Variants in COL6A3 observed in about 807,000 individuals in gnomAD.
COL6A3 encodes collagen type VI alpha 3 chain, also known as collagen alpha-3(VI) chain.
In COL6A3, 137 loss-of-function variants were observed where a neutral mutation model predicts 274.1. The observed-to-expected ratio is 0.50, with a 90% CI of 0.44 to 0.58. The LOEUF (loss-of-function observed/expected upper bound fraction) is 0.58. Among genes scored for constraint, COL6A3 ranks in the 20% least tolerant of loss-of-function variants. COL6A3 has a pLI of 0.00. For synonymous variants in COL6A3, 1,650 were observed against 1,650.6 expected (o/e 1.00, Z 0.01); for missense variants, 3,950 against 4,124.9 (o/e 0.96, Z 1.16).
intron 1 of COL6A3, among the ~76,000 whole-genome samples, chr2:237,398,917 CT>C (rs2078519723): frequency 6.6e-6 from 1 of 152,196 alleles, no homozygotes; most frequent in Admixed American, 6.5e-5. Context: ...TATTCAGCAT[CT>C]ACTATGTGAT....
At chr2:237,370,995 T>C (rs2077672796) in intron 9 of COL6A3, among the ~76,000 whole-genome samples, 1 of 152,222 alleles carries the variant, frequency 6.6e-6, no homozygotes, top group Admixed American at 6.5e-5. Context: ...TCCTGGTTAA[T>C]AAGAGTGACT....
chr2:237,349,657 G>C (rs183501454), intron 28 of COL6A3, among the ~76,000 whole-genome samples: 2 of 152,318 alleles, frequency 1.3e-5, no homozygotes, highest in African/African-American at 2.4e-5. Flanking sequence ...TTGTTGGTGA[G>C]TTTTTGGGGC....
In COL6A3 at chr2:237,350,171, C is replaced by G. The variant is rs3790993; in HGVS notation, c.6855G>C (p.Gly2285=). The G allele has an allele frequency of 0.54, 868,461 of 1,613,458 alleles. 235,064 individuals carry two copies. The highest frequency in any genetic ancestry group is 0.67 in the East Asian group (30,103 of 44,838). Reference sequence around the variant, plus strand: ...CCGTCTCCCCACGAGGGCCCCGGTTCCCGATTCCTCCTTTTGGTCCTGGCT... The same window carrying G: ...CCGTCTCCCCACGAGGGCCCCGGTTGCCGATTCCTCCTTTTGGTCCTGGCT... The part of the protein sequence containing the change: ...PGEPGPKGGI[G]NRGPRGETGD... The change falls in exon 28 of 44, where the codon GGG becomes GGC. Residue 2285 remains glycine (G), a synonymous_variant. Transcript: ENST00000295550.
rs1186288111 is a variant in COL6A3, at chr2:237,350,178, C to A, written c.6848G>T (p.Gly2283Val). 6.2e-7 allele frequency: 1 copy of A among 1,614,176 alleles called. No individual in the cohort carries two copies. The highest frequency in any genetic ancestry group is 8.5e-7 in the Non-Finnish European group (1 of 1,180,018). ...CCCACGAGGGCCCCGGTTCCCGATT[C>A]CTCCTTTTGGTCCTGGCTCTCCGGG... ...GEPGEPGPKG[G>V]IGNRGPRGET... The change falls in exon 28 of 44, where the codon GGA (glycine) becomes GTA (valine). Residue 2283 changes from glycine (G) to valine (V), a missense_variant. By Grantham distance (109) the Gly-to-Val change is moderately radical. Transcript: ENST00000295550.
Position 237,354,987 on chromosome 2 carries a change from A to T in COL6A3, c.6592-53T>A, listed in dbSNP as rs2077287804. ...TGAGGGGGAGCATGGGACGCTGGGC[A>T]TGGGGCCTAGAGCTCTTTCAGACTT... On this transcript the variant is annotated intron_variant, in intron 23 of 43. Transcript: ENST00000295550. 3.9e-6 allele frequency: 6 copies of T among 1,545,706 alleles called. 1 individual carries two copies. Among genetic ancestry groups the T allele is most frequent in the East Asian group, 4.5e-5 (2 of 44,224 alleles).
At chr2:237,404,889 C>A (rs935222301) in intron 1 of COL6A3, among the ~76,000 whole-genome samples, 12 of 152,116 alleles carry the variant, frequency 7.9e-5, no homozygotes, top group African/African-American at 2.9e-4. Context: ...GTAAAATGAA[C>A]TTTTAGTTCA....
rs763974888 is a variant in COL6A3 at position 237,340,766 on chromosome 2, C to G, written c.8150G>C (p.Ser2717Thr). The change falls in exon 38 of 44, where the codon AGT (serine) becomes ACT (threonine). Residue 2717 changes from serine (S) to threonine (T), a missense_variant. Coordinates refer to ENST00000295550, the MANE Select transcript of COL6A3 (RefSeq NM_004369.4). ...TQLQGTRALGSAIEYTIENVF... is the reference protein window; with the variant it reads ...TQLQGTRALGTAIEYTIENVF... ...ATTCTCTATGGTGTATTCAATGGCA[C>G]TGCCTAAGGCCCTGGTTCCCTGCAA... The G allele has an allele frequency of 3.7e-6, 6 of 1,614,194 alleles. No homozygotes were observed. Among genetic ancestry groups the G allele is most frequent in the Non-Finnish European group, 4.2e-6 (5 of 1,180,054 alleles).
chr2:237,349,112 C>T (rs1335982077), intron 28 of COL6A3, among the ~76,000 whole-genome samples: 1 of 152,024 alleles, frequency 6.6e-6, no homozygotes, highest in African/African-American at 2.4e-5. Context: ...TATCCCTTCC[C>T]TTCCTTCCAA....
At chr2:237,350,942 G>A (rs368209385) in intron 27 of COL6A3, among the ~76,000 whole-genome samples, 188 bp downstream of exon 27, 90 of 152,208 alleles carry the variant, frequency 5.9e-4, no homozygotes, top group African/African-American at 2.1e-3. Context: ...GGATGGTGGT[G>A]GGAATTATGG....
chr2:237,410,877 T>C (rs1314470818), intron 1 of COL6A3, among the ~76,000 whole-genome samples: 1 of 152,206 alleles, frequency 6.6e-6, no homozygotes, highest in Non-Finnish European at 1.5e-5. Flanking sequence ...AAGCTGTATC[T>C]AGAAACGGGA....
intron 1 of COL6A3, among the ~76,000 whole-genome samples, chr2:237,408,527 A>G (rs187564485): frequency 6.6e-6 from 1 of 152,328 alleles, no homozygotes; most frequent in African/African-American, 2.4e-5. Flanking sequence ...GTGAAAAACC[A>G]GTTTCCTGGA....
rs148996231 is a variant in COL6A3 at position 237,394,882 on chromosome 2, G to A, written c.414C>T (p.Ala138=). The A allele has an allele frequency of 1.0e-4, 168 of 1,611,660 alleles. 1 individual carries two copies. The highest frequency in any genetic ancestry group is 7.4e-4 in the South Asian group (67 of 91,058). ...CGATAACCTGAGGGACTCCGTCACC[G>A]GCCCGGCTTCCAGCAGCCTTGGTGA... The part of the protein sequence containing the change: ...SHLTKAAGSR[A]GDGVPQVIVV... Residue 138 remains alanine, a synonymous_variant, in exon 3 of 44, where the codon GCC becomes GCT. Coordinates refer to ENST00000295550, the MANE Select transcript of COL6A3 (RefSeq NM_004369.4).
intron 1 of COL6A3, among the ~76,000 whole-genome samples, chr2:237,410,096 A>G (rs1279305025): frequency 6.6e-6 from 1 of 152,170 alleles, no homozygotes; most frequent in Non-Finnish European, 1.5e-5. Context: ...TTGAAATATC[A>G]GTCCTAAAAC....
Position 237,325,616 on chromosome 2 carries a change from C to T in COL6A3, c.9437G>A (p.Gly3146Asp). The T allele has an allele frequency of 6.2e-7, 1 of 1,614,182 alleles. No homozygotes were observed. The highest frequency in any genetic ancestry group is 1.1e-5 in the South Asian group (1 of 91,086). The change falls in exon 43 of 44, where the codon GGT becomes GAT. Residue 3146 changes from glycine (G) to aspartate (D), a missense_variant. Gly to Asp is a moderately conservative substitution (Grantham distance 94). Coordinates refer to ENST00000295550, the MANE Select transcript of COL6A3 (RefSeq NM_004369.4). ...SCARFWYGGC[G>D]GNENKFGSQK... ...TGATCCAAATTTGTTTTCGTTTCCA[C>T]CACAACCTCCATACCAGAATCTTGC... is the stretch of plus-strand genomic sequence containing the variant.
Position 237,358,373 on chromosome 2 carries a change from C to T in COL6A3, c.6471+148G>A, listed in dbSNP as rs1170831805. The T allele has an allele frequency of 4.2e-6, 3 of 720,548 alleles. No individual in the cohort carries two copies. The African/African-American group carries it at 5.3e-5, about 13-fold the overall frequency. The allele number at this position is 720,548 out of a possible 1,614,324, so 44.6% of individuals were successfully genotyped here. A position where few individuals can be genotyped will look rare whatever the true frequency, so the allele number is the denominator to read the frequency against. The stretch of plus-strand genomic sequence containing the variant: ...AGAGAACCAACACATCTCCCCAAAC[C>T]CCCAAACTGCAAGAAAAAGACAAAG... On this transcript the variant is annotated intron_variant, in intron 21 of 43. Coordinates refer to ENST00000295550, the MANE Select transcript of COL6A3 (RefSeq NM_004369.4).
At chr2:237,382,289 A>G (rs1359134185) in intron 4 of COL6A3, among the ~76,000 whole-genome samples, 1 of 152,136 alleles carries the variant, frequency 6.6e-6, no homozygotes, top group Non-Finnish European at 1.5e-5. Context: ...AGGATGAGGC[A>G]TGAGAATCAC....
At chr2:237,359,523 C>T (rs1463223166) in intron 17 of COL6A3, 135 bp from the exon 18 acceptor site, 7 of 946,702 alleles carry the variant, frequency 7.4e-6, no homozygotes, top group Non-Finnish European at 1.2e-5. Flanking sequence ...TATTAGAGTC[C>T]TACCCCTTTG....
rs1259919285 is a variant in COL6A3 at position 237,381,291 on chromosome 2, T to C, written c.1521A>G (p.Glu507=). Residue 507 remains glutamate (E), a synonymous_variant, in exon 5 of 44, where the codon GAA becomes GAG. Coordinates refer to ENST00000295550, the MANE Select transcript of COL6A3 (RefSeq NM_004369.4). ...TCATTTTCCGCACAGCGGTTATGAC[T>C]TCCCTTTTTGTTGGATGGGTATTGA... The part of the protein sequence containing the change: ...FYFNTHPTKR[E]VITAVRKMKP... 3 of 1,614,260 alleles carry C rather than the reference T, an allele frequency of 1.9e-6. No homozygotes were observed. In the Admixed American group the frequency reaches 5.0e-5, roughly 27 times the overall value.
chr2:237,408,613 C>T (rs940329561), intron 1 of COL6A3, among the ~76,000 whole-genome samples: 3 of 152,228 alleles, frequency 2.0e-5, no homozygotes, highest in Non-Finnish European at 1.5e-5. Context: ...GAGCCATGAG[C>T]TCTTCCTTCC....
Sources: allele counts gnomAD v4.1 joint callset (sites outside exome capture counted in the v4.1 genomes callset), GRCh38; gene constraint gnomAD v4.1.1; transcripts MANE v1.5; gene names NCBI Gene and HGNC (gene_info 2026-07-23, HGNC 2026-07-21).